LDAH: variants seen among roughly 807,000 people sequenced by gnomAD.
LDAH encodes lipid droplet associated hydrolase, also known as lipid droplet-associated hydrolase.
LDAH carries 26 observed loss-of-function variants against 29.6 expected under a neutral mutation model. The ratio of observed to expected loss-of-function variants is 0.88; its 90% CI spans 0.64 to 1.22. The LOEUF is 1.22. Among genes scored for constraint, LDAH ranks in the 50% most tolerant of loss-of-function variants. LDAH has a pLI of 0.00. For synonymous variants in LDAH, 117 were observed against 133.0 expected (o/e 0.88, Z 0.83); for missense variants, 344 against 387.3 (o/e 0.89, Z 0.94).
At chr2:20,768,155 G>A (rs1220315914) in intron 4 of LDAH, among the ~76,000 whole-genome samples, 1 of 152,188 alleles carries the variant, frequency 6.6e-6, no homozygotes, top group Non-Finnish European at 1.5e-5. Flanking sequence ...CAAGAACTCA[G>A]GACCTGATGA....
chr2:20,706,669 T>C (rs911587693), intron 5 of LDAH, among the ~76,000 whole-genome samples: 7 of 151,116 alleles, frequency 4.6e-5, no homozygotes, highest in Non-Finnish European at 1.0e-4. Context: ...TAAGAGGGAC[T>C]GGATTTACCC....
chr2:20,770,742 T>C (rs904201150), intron 4 of LDAH, among the ~76,000 whole-genome samples: 2 of 152,212 alleles, frequency 1.3e-5, no homozygotes, highest in African/African-American at 2.4e-5. Context: ...GTAATAGCTA[T>C]AGGCTCTGCT....
chr2:20,790,825 G>A (rs1157047602), intron 2 of LDAH, among the ~76,000 whole-genome samples: 6 of 152,242 alleles, frequency 3.9e-5, no homozygotes, highest in Admixed American at 2.6e-4. Flanking sequence ...GGAAACAAAC[G>A]TCTACAAGTA....
At chr2:20,721,817 G>A (rs762903841) in intron 5 of LDAH, among the ~76,000 whole-genome samples, 3 of 152,172 alleles carry the variant, frequency 2.0e-5, no homozygotes, top group Non-Finnish European at 4.4e-5. Flanking sequence ...GGAAATCAGT[G>A]TATCAAAGAG....
chr2:20,682,534 A>C (rs1215345295), downstream of LDAH, among the ~76,000 whole-genome samples: 2 of 152,180 alleles, frequency 1.3e-5, no homozygotes, highest in African/African-American at 2.4e-5. Flanking sequence ...TGGAGGCTGG[A>C]AAGTCCAAGA....
At chr2:20,729,440 T>C (rs976722203) in intron 5 of LDAH, among the ~76,000 whole-genome samples, 2 of 152,212 alleles carry the variant, frequency 1.3e-5, no homozygotes, top group African/African-American at 4.8e-5. Flanking sequence ...ATAAAATTTA[T>C]ATCCCATGTC....
rs1662564790 is a variant in LDAH, at chr2:20,686,485, T to C, written c.*418A>G. On this transcript the variant is annotated 3_prime_UTR_variant, in exon 7 of 7. Coordinates refer to ENST00000237822, the MANE Select transcript of LDAH (RefSeq NM_021925.4). ...CACATATCTAACTATACTCTTAACA[T>C]TCACTGATTTATTTTACATTTTCTA... is the stretch of plus-strand genomic sequence containing the variant. The C allele has an allele frequency of 6.4e-6, 1 of 157,258 alleles. No homozygotes were observed. The allele number at this position is 157,258 out of a possible 1,614,324, so 9.7% of individuals were successfully genotyped here. A position where few individuals can be genotyped will look rare whatever the true frequency, so the allele number is the denominator to read the frequency against.
intron 5 of LDAH, among the ~76,000 whole-genome samples, chr2:20,716,747 A>ATATATAT (rs1665234540): frequency 8.5e-6 from 1 of 117,052 alleles, no homozygotes; most frequent in Non-Finnish European, 2.0e-5. Flanking sequence ...TATATATATG[A>ATATATAT]GTAGAGAAGC....
chr2:20,748,640 T>C (rs1286739366), intron 4 of LDAH, among the ~76,000 whole-genome samples: 1 of 152,214 alleles, frequency 6.6e-6, no homozygotes. Context: ...GCAGTACAAC[T>C]ATCTCTTAGG....
chr2:20,760,448 C>CA (rs766768393), intron 4 of LDAH, among the ~76,000 whole-genome samples: 3 of 152,176 alleles, frequency 2.0e-5, no homozygotes, highest in Non-Finnish European at 4.4e-5. Context: ...ATCAGGAGTC[C>CA]AGGCCTAGCT....
intron 5 of LDAH, among the ~76,000 whole-genome samples, chr2:20,705,340 C>T (rs963982811): frequency 3.3e-5 from 5 of 152,204 alleles, no homozygotes; most frequent in African/African-American, 9.6e-5. Context: ...GCTCTAGAAT[C>T]CTGAAGTTTC....
intron 5 of LDAH, among the ~76,000 whole-genome samples, chr2:20,718,350 G>C (rs749666504): frequency 1.3e-4 from 19 of 151,952 alleles, no homozygotes; most frequent in Non-Finnish European, 2.5e-4. Context: ...ACTTTAAAAA[G>C]AGCAGGAATA....
intron 5 of LDAH, among the ~76,000 whole-genome samples, chr2:20,720,077 T>C (rs530244735): frequency 6.6e-6 from 1 of 152,084 alleles, no homozygotes; most frequent in Admixed American, 6.6e-5. Context: ...TTTTCACCAC[T>C]TCAACTCAAC....
At chr2:20,729,583 G>A (rs551431991) in intron 5 of LDAH, among the ~76,000 whole-genome samples, 2 of 152,156 alleles carry the variant, frequency 1.3e-5, no homozygotes, top group African/African-American at 2.4e-5. Flanking sequence ...AATTCAGGCC[G>A]TCAGGATGAG....
chr2:20,796,822 T>C (rs980927192), intron 2 of LDAH, among the ~76,000 whole-genome samples: 1 of 152,156 alleles, frequency 6.6e-6, no homozygotes, highest in Non-Finnish European at 1.5e-5. Context: ...TATCTTTTCA[T>C]GAGCTGGAAA....
intron 3 of LDAH, among the ~76,000 whole-genome samples, chr2:20,783,527 T>C (rs1336272154): frequency 6.6e-6 from 1 of 152,212 alleles, no homozygotes; most frequent in Non-Finnish European, 1.5e-5. Flanking sequence ...GGTTCTATTA[T>C]CATTATGTAA....
intron 5 of LDAH, among the ~76,000 whole-genome samples, chr2:20,722,298 T>G (rs1001272943): frequency 6.8e-6 from 1 of 146,698 alleles, no homozygotes; most frequent in Non-Finnish European, 1.5e-5. Flanking sequence ...GAGAATTGCT[T>G]AAACCCGGGA....
chr2:20,789,294 A>C, intron 3 of LDAH: 1 of 1,549,776 alleles, frequency 6.5e-7, no homozygotes, highest in Non-Finnish European at 8.7e-7. Context: ...GAGTCCCAAG[A>C]GGGCTTGCCT....
intron 5 of LDAH, among the ~76,000 whole-genome samples, chr2:20,722,624 T>C (rs1359471806): frequency 6.6e-6 from 1 of 152,102 alleles, no homozygotes; most frequent in Admixed American, 6.6e-5. Context: ...AGATAAATAT[T>C]TGAAGAGATG....
Sources: allele counts gnomAD v4.1 joint callset (sites outside exome capture counted in the v4.1 genomes callset), GRCh38; gene constraint gnomAD v4.1.1; transcripts MANE v1.5; gene names NCBI Gene and HGNC (gene_info 2026-07-23, HGNC 2026-07-21).